PTTG1IP: variants seen among roughly 807,000 people sequenced by gnomAD.
The protein encoded by PTTG1IP is PTTG1 interacting protein.
A neutral mutation model predicts 24.4 loss-of-function variants in PTTG1IP; 16 were observed. The observed-to-expected ratio is 0.66, with a 90% CI of 0.44 to 1.00. The LOEUF is 1.00. Ranked by LOEUF, PTTG1IP falls within the 50% of genes least tolerant of loss-of-function variation. The pLI, the probability that PTTG1IP is intolerant of heterozygous loss-of-function variation, is 0.00. For missense variants in PTTG1IP, 241 were observed against 245.8 expected (o/e 0.98, Z 0.13); for synonymous variants, 89 against 96.8 (o/e 0.92, Z 0.47).
chr21:44,866,629 T>C (rs1601256365), intron 1 of PTTG1IP, among the ~76,000 whole-genome samples: 1 of 79,710 alleles, frequency 1.3e-5, no homozygotes, highest in Non-Finnish European at 2.2e-5. Context: ...ACTCCCCCAA[T>C]CCCGTAACAC....
At chr21:44,873,188 G>A (rs1301594349) in intron 1 of PTTG1IP, among the ~76,000 whole-genome samples, 1 of 152,238 alleles carries the variant, frequency 6.6e-6, no homozygotes, top group African/African-American at 2.4e-5. Flanking sequence ...GAGGCCGCAG[G>A]TGCCAAGCGT....
chr21:44,853,976 G>C (rs1033780698), intron 5 of PTTG1IP, among the ~76,000 whole-genome samples: 3 of 152,212 alleles, frequency 2.0e-5, no homozygotes, highest in East Asian at 3.9e-4. Context: ...GACTTTCCAA[G>C]GAGGCCAGAA....
chr21:44,869,742 T>C lies in PTTG1IP; in HGVS notation c.115+3760A>G, dbSNP rs559858601. 2.0e-5 allele frequency among the ~76,000 whole-genome samples: 3 copies of C among 152,348 alleles called. No homozygotes were observed. The South Asian group carries it at 6.2e-4, about 32-fold the overall frequency. ...GACTTCACTGCACTATTCCTTCAAC[T>C]TTCTGCGCCTCTGAGGTCTTTCTAA... On this transcript the variant is annotated intron_variant, in intron 1 of 5. Transcript: ENST00000330938.
In PTTG1IP at chr21:44,856,267, C is replaced by A; in HGVS notation, c.375G>T (p.Arg125Ser). Residue 125 changes from arginine (R) to serine (S), a missense_variant, in exon 4 of 6, where the codon AGG becomes AGT. Arg to Ser is a moderately radical substitution (Grantham distance 110). Coordinates refer to ENST00000330938, the MANE Select transcript of PTTG1IP (RefSeq NM_004339.4). ...ICCCCCCRRK[R>S]SRKPDRSEEK... ...CCTCACTCCTGTCCGGCTTCCGGCT[C>A]CTCTTCCTCCTGCAGCAGCAGCAGC... 1 of 1,614,192 alleles carries A rather than the reference C, an allele frequency of 6.2e-7. No individual in the cohort carries two copies. Among genetic ancestry groups the A allele is most frequent in the Non-Finnish European group, 8.5e-7 (1 of 1,180,016 alleles).
intron 3 of PTTG1IP, among the ~76,000 whole-genome samples, chr21:44,858,260 A>G (rs2083463328): frequency 6.6e-6 from 1 of 152,240 alleles, no homozygotes; most frequent in Admixed American, 6.5e-5. Flanking sequence ...TTTGGCTAGA[A>G]CTGGATAAAA....
intron 3 of PTTG1IP, among the ~76,000 whole-genome samples, chr21:44,859,889 T>C (rs2838714): frequency 0.068 from 10,392 of 152,232 alleles, 1,194 homozygotes; most frequent in African/African-American, 0.23. Context: ...AAGACGTAAG[T>C]TGCAGAGGGA....
intron 1 of PTTG1IP, among the ~76,000 whole-genome samples, chr21:44,871,711 T>C (rs1218139638): frequency 2.0e-5 from 3 of 151,988 alleles, no homozygotes; most frequent in Non-Finnish European, 4.4e-5. Context: ...AGAGGGGAGT[T>C]CTCCAGGCTA....
chr21:44,855,070 G>T, intron 5 of PTTG1IP, 140 bp downstream of exon 5: 1 of 825,128 alleles, frequency 1.2e-6, no homozygotes, highest in Non-Finnish European at 1.9e-6. Flanking sequence ...ACCGCCAGCT[G>T]CTCCTCTCTG....
intron 1 of PTTG1IP, among the ~76,000 whole-genome samples, chr21:44,869,626 AC>A (rs756106585): frequency 4.6e-5 from 7 of 152,218 alleles, no homozygotes; most frequent in Non-Finnish European, 7.3e-5. Flanking sequence ...TAAATAAAAC[AC>A]AAACAATTGT....
At chr21:44,857,860 C>T (rs1310796723) in intron 3 of PTTG1IP, among the ~76,000 whole-genome samples, 1 of 152,208 alleles carries the variant, frequency 6.6e-6, no homozygotes, top group African/African-American at 2.4e-5. Flanking sequence ...GTTCTGGAAG[C>T]GTAGAATTGC....
At chr21:44,861,134 G>A in intron 3 of PTTG1IP, 29 bp downstream of exon 3, 1 of 1,576,890 alleles carries the variant, frequency 6.3e-7, no homozygotes, top group Non-Finnish European at 8.7e-7. Flanking sequence ...CATCGATTTT[G>A]CAAGCAGCAA....
chr21:44,861,227 A>T lies in PTTG1IP; in HGVS notation c.213T>A (p.Val71=), dbSNP rs142345359. ...GGGAAGCCGGTGGCAAGACGCTTGT[A>T]ACTGGGTAGTCCAGACAAGCCTTGT... ...NTNKACLDYP[V]TSVLPPASLC... Residue 71 remains valine (V), a synonymous_variant, in exon 3 of 6, where the codon GTT becomes GTA. Transcript: ENST00000330938. 9.9e-6 allele frequency: 16 copies of T among 1,614,036 alleles called. No individual in the cohort carries two copies. The African/African-American group carries it at 1.2e-4, about 12-fold the overall frequency.
chr21:44,858,686 T>C (rs1026152089), intron 3 of PTTG1IP, among the ~76,000 whole-genome samples: 3 of 152,188 alleles, frequency 2.0e-5, no homozygotes, highest in African/African-American at 7.2e-5. Context: ...GGGCTGGGTG[T>C]TGTGTGTCCA....
At position 44,849,687 on chromosome 21, in the gene PTTG1IP, T is replaced by TCTTAGTG. The variant is rs2083397595; in HGVS notation, c.*1887_*1893dup. 6.6e-6 allele frequency: 1 copy of TCTTAGTG among 152,552 alleles called. No individual in the cohort carries two copies. The highest frequency in any genetic ancestry group is 2.4e-5 in the African/African-American group (1 of 41,434). The allele number at this position is 152,552 out of a possible 1,614,324, so 9.4% of individuals were successfully genotyped here. ...CTTGAGGTTACAGTTTTGTGGCTGC[T>TCTTAGTG]CTTAGTGTATTTCAGAAAAAAGCAG... On this transcript the variant is annotated 3_prime_UTR_variant, in exon 6 of 6. Coordinates refer to ENST00000330938, the MANE Select transcript of PTTG1IP (RefSeq NM_004339.4).
chr21:44,862,319 G>T (rs2083498797), intron 2 of PTTG1IP, among the ~76,000 whole-genome samples: 1 of 152,144 alleles, frequency 6.6e-6, no homozygotes, highest in African/African-American at 2.4e-5. Context: ...CAGAAGTTCG[G>T]GATCAGCCTG....
intron 3 of PTTG1IP, among the ~76,000 whole-genome samples, chr21:44,858,796 C>T (rs2083468386): frequency 6.6e-6 from 1 of 152,212 alleles, no homozygotes; most frequent in African/African-American, 2.4e-5. Flanking sequence ...CTAGTCACTG[C>T]AGAAATGCAG....
At chr21:44,869,577 G>C (rs573465157) in intron 1 of PTTG1IP, among the ~76,000 whole-genome samples, 1 of 152,212 alleles carries the variant, frequency 6.6e-6, no homozygotes, top group Non-Finnish European at 1.5e-5. Flanking sequence ...GGGATTACAG[G>C]TGTGAGCAAC....
chr21:44,866,195 T>A (rs2083534902), intron 1 of PTTG1IP, among the ~76,000 whole-genome samples: 1 of 144,486 alleles, frequency 6.9e-6, no homozygotes, highest in South Asian at 2.2e-4. Flanking sequence ...GACTGCCTAC[T>A]CCCCCAATCC....
chr21:44,871,207 T>C (rs1222955678), intron 1 of PTTG1IP, among the ~76,000 whole-genome samples: 3 of 152,148 alleles, frequency 2.0e-5, no homozygotes, highest in African/African-American at 7.2e-5. Flanking sequence ...ATGTACACTG[T>C]AGCACTCTGT....
Sources: gnomAD v4.1 joint callset for allele counts (sites outside exome capture counted in the v4.1 genomes callset) on GRCh38, gnomAD v4.1.1 for gene constraint, MANE v1.5 for transcripts, NCBI Gene and HGNC (gene_info 2026-07-23, HGNC 2026-07-21) for gene names.